The following DLG1 variants were observed in gnomAD, a reference collection of about 807,000 sequenced individuals.
The protein encoded by DLG1 is disks large homolog 1.
A neutral mutation model predicts 123.4 loss-of-function variants in DLG1; 42 were observed. The ratio of observed to expected loss-of-function variants is 0.34; its 90% confidence interval spans 0.27 to 0.44. The LOEUF (loss-of-function observed/expected upper bound fraction) is 0.44, where lower values mean the gene tolerates loss of function less well. Ranked by LOEUF, DLG1 falls within the 20% of genes least tolerant of loss-of-function variation. The pLI, the probability that DLG1 is intolerant of heterozygous loss-of-function variation, is 1.00. For missense variants in DLG1, 942 were observed against 1,082.6 expected (o/e 0.87, Z 1.82); for synonymous variants, 317 against 356.2 (o/e 0.89, Z 1.24).
At chr3:197,268,981 C>T (rs1235084525) in intron 4 of DLG1, among the ~76,000 whole-genome samples, 1 of 152,172 alleles carries the variant, frequency 6.6e-6, no homozygotes, top group Non-Finnish European at 1.5e-5. Flanking sequence ...GAAAGGTCTT[C>T]AGAGGCAATA....
intron 23 of DLG1, 62 bp from the exon 24 acceptor site, chr3:197,051,730 G>C: frequency 1.6e-6 from 2 of 1,274,982 alleles, no homozygotes; most frequent in Non-Finnish European, 2.2e-6. Flanking sequence ...AAAAAAGATG[G>C]CAAAGGAGAG....
At chr3:197,109,509 A>G (rs1768585092) in intron 13 of DLG1, among the ~76,000 whole-genome samples, 1 of 152,250 alleles carries the variant, frequency 6.6e-6, no homozygotes, top group Non-Finnish European at 1.5e-5. Flanking sequence ...TGTTTTTAAA[A>G]TCAGGTTGGA....
intron 5 of DLG1, among the ~76,000 whole-genome samples, chr3:197,160,855 T>A (rs181788595): frequency 2.0e-5 from 3 of 152,150 alleles, no homozygotes; most frequent in Admixed American, 6.5e-5. Flanking sequence ...CAAAAAAAAA[T>A]CTATGGGTTC....
At chr3:197,277,463 C>T (rs1370830227) in intron 4 of DLG1, among the ~76,000 whole-genome samples, 1 of 152,086 alleles carries the variant, frequency 6.6e-6, no homozygotes, top group Non-Finnish European at 1.5e-5. Context: ...GTCTCTGCCT[C>T]CCAAGCAGCT....
At chr3:197,286,843 T>C (rs1432100219) in intron 3 of DLG1, among the ~76,000 whole-genome samples, 4 of 152,082 alleles carry the variant, frequency 2.6e-5, no homozygotes, top group East Asian at 3.9e-4. Flanking sequence ...TTCCACCACC[T>C]TGGCCTCCTC....
intron 4 of DLG1, among the ~76,000 whole-genome samples, chr3:197,213,567 C>T (rs570251173): frequency 2.6e-5 from 4 of 152,070 alleles, no homozygotes; most frequent in South Asian, 4.1e-4. Context: ...ATTATACTTC[C>T]GTAAAAATGA....
At chr3:197,159,834 T>G (rs1455962407) in intron 5 of DLG1, among the ~76,000 whole-genome samples, 1 of 152,204 alleles carries the variant, frequency 6.6e-6, no homozygotes, top group African/African-American at 2.4e-5. Context: ...TAAATAGGTC[T>G]TTTTTGTGTG....
intron 3 of DLG1, among the ~76,000 whole-genome samples, chr3:197,294,657 C>CAAAA (rs71926647): frequency 8.8e-5 from 7 of 79,122 alleles, no homozygotes; most frequent in African/African-American, 1.5e-4. Context: ...GACTCTGCCT[C>CAAAA]AAAAAAAAAA....
intron 4 of DLG1, among the ~76,000 whole-genome samples, chr3:197,202,876 G>C (rs1425025625): frequency 1.3e-5 from 2 of 152,162 alleles, no homozygotes; most frequent in African/African-American, 4.8e-5. Context: ...GGGTAAGGAG[G>C]AATGCTGTCC....
At chr3:197,166,880 G>A (rs953613757) in intron 5 of DLG1, among the ~76,000 whole-genome samples, 3 of 151,760 alleles carry the variant, frequency 2.0e-5, no homozygotes, top group Non-Finnish European at 2.9e-5. Flanking sequence ...CAATAAGAGC[G>A]AAACTCCGTC....
At chr3:197,114,021 G>T (rs1771631663) in intron 13 of DLG1, among the ~76,000 whole-genome samples, 1 of 152,002 alleles carries the variant, frequency 6.6e-6, no homozygotes, top group East Asian at 1.9e-4. Context: ...AAAGAAAAAA[G>T]AAAAGAAAAT....
intron 4 of DLG1, among the ~76,000 whole-genome samples, chr3:197,225,330 A>G (rs1301592726): frequency 6.6e-6 from 1 of 152,218 alleles, no homozygotes; most frequent in Non-Finnish European, 1.5e-5. Context: ...ATTTATATAG[A>G]ACACATTACT....
intron 9 of DLG1, among the ~76,000 whole-genome samples, chr3:197,137,800 G>A (rs967261222): frequency 4.0e-5 from 6 of 151,442 alleles, no homozygotes; most frequent in Non-Finnish European, 5.9e-5. Flanking sequence ...GGAGGCCTCC[G>A]TCTCTACAAA....
intron 14 of DLG1, among the ~76,000 whole-genome samples, chr3:197,097,157 T>C (rs1320569381): frequency 6.6e-6 from 1 of 152,238 alleles, no homozygotes; most frequent in Non-Finnish European, 1.5e-5. Context: ...TCTTCCTTAG[T>C]GTGGGGCTTT....
In DLG1 at chr3:197,138,607, T is replaced by C. The variant is rs532028656; in HGVS notation, c.714-216A>G. 8.6e-5 allele frequency among the ~76,000 whole-genome samples: 13 copies of C among 151,804 alleles called. 1 individual carries two copies. In the South Asian group the frequency reaches 2.7e-3, roughly 32 times the overall value. On this transcript the variant is annotated intron_variant, in intron 8 of 24. Coordinates refer to ENST00000667157, the MANE Select transcript of DLG1 (RefSeq NM_001366207.1). ...GGGCCAGCAAAAGGAACAAAAGAAA[T>C]AGTGAAAATAATAGATTATATAAAA...
chr3:197,211,157 G>A (rs1055304331), intron 4 of DLG1, among the ~76,000 whole-genome samples: 1 of 145,798 alleles, frequency 6.9e-6, no homozygotes, highest in African/African-American at 2.4e-5. Flanking sequence ...AAATCCAGAG[G>A]AACGATCTAA....
intron 18 of DLG1, among the ~76,000 whole-genome samples, chr3:197,075,651 C>A (rs1480320198): frequency 6.6e-6 from 1 of 151,768 alleles, no homozygotes; most frequent in Admixed American, 6.6e-5. Context: ...AAAATAAAAA[C>A]AAAAAGTTAT....
chr3:197,292,250 C>T (rs1775289745), intron 3 of DLG1, among the ~76,000 whole-genome samples: 1 of 152,216 alleles, frequency 6.6e-6, no homozygotes, highest in Non-Finnish European at 1.5e-5. Flanking sequence ...AGATAAAATG[C>T]GGTATATACA....
At chr3:197,276,359 A>C (rs1766430620) in intron 4 of DLG1, among the ~76,000 whole-genome samples, 1 of 152,230 alleles carries the variant, frequency 6.6e-6, no homozygotes, top group Non-Finnish European at 1.5e-5. Context: ...TACGAATATA[A>C]AGTTGTCTTT....
Sources: gnomAD v4.1 joint callset for allele counts (sites outside exome capture counted in the v4.1 genomes callset) on GRCh38, gnomAD v4.1.1 for gene constraint, MANE v1.5 for transcripts, NCBI Gene and HGNC (gene_info 2026-07-23, HGNC 2026-07-21) for gene names.